CDH11: variants seen among roughly 807,000 people sequenced by gnomAD.
CDH11 encodes cadherin 11.
In CDH11, 11 loss-of-function variants were observed where a neutral mutation model predicts 67.8. That is an observed-to-expected ratio of 0.16 (90% CI 0.10 to 0.27). The LOEUF is 0.27. CDH11 is among the 10% of genes least tolerant of loss of function. The pLI, the probability that CDH11 is intolerant of heterozygous loss-of-function variation, is 1.00. For missense variants in CDH11, 847 were observed against 1,031.2 expected (o/e 0.82, Z 2.45); for synonymous variants, 419 against 400.0 (o/e 1.05, Z -0.57).
intron 1 of CDH11, among the ~76,000 whole-genome samples, chr16:65,068,064 G>C (rs1309571469): frequency 8.5e-6 from 1 of 117,050 alleles, no homozygotes; most frequent in Non-Finnish European, 1.9e-5. Flanking sequence ...GGGAGGGAGG[G>C]GGCAGGGAGA....
chr16:65,064,882 C>T (rs2074288578), intron 1 of CDH11, among the ~76,000 whole-genome samples: 1 of 152,158 alleles, frequency 6.6e-6, no homozygotes, highest in African/African-American at 2.4e-5. Flanking sequence ...ACCTGAATGA[C>T]TGAGAGGTGA....
At chr16:65,089,708 G>T (rs1247000146) in intron 1 of CDH11, among the ~76,000 whole-genome samples, 2 of 152,098 alleles carry the variant, frequency 1.3e-5, no homozygotes, top group Non-Finnish European at 2.9e-5. Flanking sequence ...TCTTTTGCGT[G>T]TTACATATTA....
Position 64,945,328 on chromosome 16 carries a change from AAAAC to A in CDH11, c.*2271_*2274del. The A allele has an allele frequency of 3.5e-6, 3 of 850,732 alleles. No homozygotes were observed. The highest frequency in any genetic ancestry group is 4.3e-6 in the Non-Finnish European group (3 of 691,242). 52.7% of individuals were successfully genotyped at this position (850,732 alleles called of 1,614,324 possible). ...AAAAAAAAAAAAAAAAAGAAAAAGA[AAAAC>A]AAGTATTCTTAACTACTGAAAAGTA... On this transcript the variant is annotated 3_prime_UTR_variant, in exon 13 of 13. Coordinates refer to ENST00000268603, the MANE Select transcript of CDH11 (RefSeq NM_001797.4).
At chr16:65,116,200 T>G (rs895564786) in intron 1 of CDH11, among the ~76,000 whole-genome samples, 2 of 152,212 alleles carry the variant, frequency 1.3e-5, no homozygotes, top group Non-Finnish European at 2.9e-5. Flanking sequence ...TGAAGCAATT[T>G]GAGCTGCTAT....
chr16:65,109,882 T>C (rs12929985), intron 1 of CDH11, among the ~76,000 whole-genome samples: 34,852 of 124,300 alleles, frequency 0.28, 4,585 homozygotes, highest in Non-Finnish European at 0.35. Flanking sequence ...AATGTTTGTT[T>C]GTTTGTTTGT....
intron 2 of CDH11, among the ~76,000 whole-genome samples, chr16:65,006,182 G>A (rs567962882): frequency 1.3e-5 from 2 of 152,322 alleles, no homozygotes; most frequent in South Asian, 4.1e-4. Context: ...ACTCCAGAGA[G>A]AGAATCAGAT....
At chr16:65,040,762 G>C (rs938790173) in intron 2 of CDH11, among the ~76,000 whole-genome samples, 1 of 152,030 alleles carries the variant, frequency 6.6e-6, no homozygotes, top group African/African-American at 2.4e-5. Context: ...GAAAATAATG[G>C]CTTACTAATA....
intron 1 of CDH11, among the ~76,000 whole-genome samples, chr16:65,074,478 T>C (rs1032670851): frequency 1.3e-5 from 2 of 152,194 alleles, no homozygotes; most frequent in Non-Finnish European, 1.5e-5. Context: ...GCCTGCCTTA[T>C]AGGATTGTTG....
Position 65,121,771 on chromosome 16 carries a change from C to T in CDH11, c.-298+109G>A. 1.4e-6 allele frequency: 1 copy of T among 698,010 alleles called. No individual in the cohort carries two copies. Among genetic ancestry groups the T allele is most frequent in the Non-Finnish European group, 2.6e-6 (1 of 383,304 alleles). 43.2% of individuals were successfully genotyped at this position (698,010 alleles called of 1,614,324 possible). A position where few individuals can be genotyped will look rare whatever the true frequency, so the allele number is the denominator to read the frequency against. On this transcript the variant is annotated intron_variant, in intron 1 of 12. Transcript: ENST00000268603. This position sits in a 1 kb window ranked among gnomAD's most constrained non-coding sequence, Gnocchi z 4.1. ...GCCTTCTCGACTCAGATACCACCGT[C>T]CCCCTCACCACCCCGCCCCGCCAAG...
chr16:65,092,966 T>G (rs2074818001), intron 1 of CDH11, among the ~76,000 whole-genome samples: 2 of 148,632 alleles, frequency 1.3e-5, no homozygotes, highest in Admixed American at 1.3e-4. Flanking sequence ...TGATGGACTC[T>G]CACTCTGTTG....
At chr16:65,059,848 A>G (rs2074208070) in intron 1 of CDH11, among the ~76,000 whole-genome samples, 1 of 152,242 alleles carries the variant, frequency 6.6e-6, no homozygotes, top group African/African-American at 2.4e-5. Flanking sequence ...AACTAAATAA[A>G]TATTCACGGC....
intron 1 of CDH11, among the ~76,000 whole-genome samples, chr16:65,073,993 CTCTT>C (rs1431699719): frequency 6.6e-6 from 1 of 152,166 alleles, no homozygotes; most frequent in Non-Finnish European, 1.5e-5. Context: ...AACTTGGAAA[CTCTT>C]TCATTATTCA....
intron 8 of CDH11, among the ~76,000 whole-genome samples, chr16:64,980,420 T>C (rs1021761768): frequency 1.3e-5 from 2 of 151,688 alleles, no homozygotes; most frequent in Non-Finnish European, 2.9e-5. Context: ...GGGGGTGAGG[T>C]AGGGAGGAGC....
At chr16:65,035,287 G>A (rs1468753308) in intron 2 of CDH11, among the ~76,000 whole-genome samples, 1 of 152,198 alleles carries the variant, frequency 6.6e-6, no homozygotes, top group Non-Finnish European at 1.5e-5. Flanking sequence ...AACTCAGTCA[G>A]GTAGGTATTA....
chr16:65,076,080 T>C (rs112754082), intron 1 of CDH11, among the ~76,000 whole-genome samples: 152 of 152,292 alleles, frequency 1.0e-3, no homozygotes, highest in African/African-American at 3.5e-3. Context: ...TAGAATGAGA[T>C]GAGTGCACCT....
intron 1 of CDH11, among the ~76,000 whole-genome samples, chr16:65,084,884 CCTATCCACAGGTGCTTAAAAAT>C (rs2074669723): frequency 2.0e-5 from 3 of 152,226 alleles, no homozygotes; most frequent in Admixed American, 2.0e-4. Context: ...CTTTTACTGT[CCTATCCACAGGTGCTTAAAAAT>C]TATGATTATT....
At chr16:64,973,621 C>T (rs1421000455) in intron 8 of CDH11, among the ~76,000 whole-genome samples, 1 of 152,096 alleles carries the variant, frequency 6.6e-6, no homozygotes. Context: ...GCCTGACCAA[C>T]ATGGTGAAAT....
chr16:64,947,805 T>C lies in CDH11; in HGVS notation c.2189A>G (p.Asn730Ser), dbSNP rs763207311. The change falls in exon 13 of 13, where the codon AAT (asparagine) becomes AGT (serine). Residue 730 changes from asparagine to serine, a missense_variant. This residue lies in a region of CDH11 where 612 missense variants were observed against 678.7 expected (regional missense o/e 0.90). Coordinates refer to ENST00000268603, the MANE Select transcript of CDH11 (RefSeq NM_001797.4). ...GTCATAAGGAGGAGCCGTGGGGTCA[T>C]TGTCTGCCTCCTGTATTCTCGTGTT... is the stretch of plus-strand genomic sequence containing the variant. ...FINTRIQEAD[N>S]DPTAPPYDSI... The C allele has an allele frequency of 6.2e-7, 1 of 1,614,180 alleles. No individual in the cohort carries two copies. Among genetic ancestry groups the C allele is most frequent in the Non-Finnish European group, 8.5e-7 (1 of 1,180,022 alleles).
intron 11 of CDH11, among the ~76,000 whole-genome samples, chr16:64,966,234 A>G (rs2071824213): frequency 6.6e-6 from 1 of 152,110 alleles, no homozygotes; most frequent in Non-Finnish European, 1.5e-5. Context: ...TAATAAAAGG[A>G]GAATTGATTC....
Sources: gnomAD v4.1 joint callset for allele counts (sites outside exome capture counted in the v4.1 genomes callset) on GRCh38, gnomAD v4.1.1 for gene constraint, gnomAD v4.1.1 regional missense constraint, Gnocchi (gnomAD v3.1) non-coding constraint, MANE v1.5 for transcripts, NCBI Gene and HGNC (gene_info 2026-07-23, HGNC 2026-07-21) for gene names.